CSTF2: variants seen among roughly 807,000 people sequenced by gnomAD.
CSTF2 encodes the protein CF-1 64 kDa subunit.
CSTF2 carries 8 observed loss-of-function variants against 45.4 expected under a neutral mutation model. The observed-to-expected ratio is 0.18, with a 90% CI of 0.10 to 0.32. The LOEUF is 0.32. Among genes scored for constraint, CSTF2 ranks in the 10% least tolerant of loss-of-function variants. The pLI is 1.00. For missense variants in CSTF2, 253 were observed against 477.1 expected (o/e 0.53, Z 4.38); for synonymous variants, 155 against 158.9 (o/e 0.98, Z 0.18).
In CSTF2 at chrX:100,821,508, T is replaced by A; in HGVS notation, c.59-19T>A. The A allele has an allele frequency of 9.0e-7, 1 of 1,106,255 alleles. No individual in the cohort carries two copies. Among genetic ancestry groups the A allele is most frequent in the East Asian group, 3.0e-5 (1 of 33,360 alleles). The allele number at this position is 1,106,255 out of a possible 1,213,427, so 91.2% of individuals were successfully genotyped here. ...TGTTATAAACTCAGAATTTTAATGT[T>A]ACCTATTTTCTTCCTTAGTGGGGAA... On this transcript the variant is annotated intron_variant, in intron 1 of 13. Coordinates refer to ENST00000372972, the MANE Select transcript of CSTF2 (RefSeq NM_001325.3).
Position 100,832,999 on chromosome X carries a change from C to T in CSTF2, c.1207+90C>T, listed in dbSNP as rs781167135. On this transcript the variant is annotated intron_variant, in intron 10 of 13. Coordinates refer to ENST00000372972, the MANE Select transcript of CSTF2 (RefSeq NM_001325.3). ...AAAGAATGCTGGAACAGTAGGTTTG[C>T]AAGCATCTTTAAGGTTTATCCACAA... 25 of 1,040,207 alleles carry T rather than the reference C, an allele frequency of 2.4e-5. No homozygotes were observed. In the African/African-American group the frequency reaches 3.8e-4, roughly 16 times the overall value. The allele number at this position is 1,040,207 out of a possible 1,213,427, so 85.7% of individuals were successfully genotyped here. A position where few individuals can be genotyped will look rare whatever the true frequency, so the allele number is the denominator to read the frequency against.
chrX:100,832,086 G>A (rs767604006), intron 9 of CSTF2, among the ~76,000 whole-genome samples: 4 of 110,562 alleles, frequency 3.6e-5, no homozygotes, highest in Non-Finnish European at 7.6e-5. Flanking sequence ...GCGTGGTGGC[G>A]GGCGCCTATA....
Position 100,832,787 on chromosome X carries a change from A to G in CSTF2, c.1085A>G (p.His362Arg), listed in dbSNP as rs1157972159. The change falls in exon 10 of 14, where the codon CAT becomes CGT. Residue 362 changes from histidine (H) to arginine (R), a missense_variant. Physicochemically the swap from His to Arg is conservative, Grantham distance 29. This residue lies in a region of CSTF2 where 200 missense variants were observed against 294.0 expected (regional missense o/e 0.68). Transcript: ENST00000372972. ...CCACCCATGCACCATGTCCCTGGCC[A>G]TGAGAGCCGAGGACCACCCCCACAT... ...QGPPMHHVPGHESRGPPPHEL... is the reference protein window; with the variant it reads ...QGPPMHHVPGRESRGPPPHEL... 2.5e-6 allele frequency: 3 copies of G among 1,211,309 alleles called. No individual in the cohort carries two copies. The highest frequency in any genetic ancestry group is 4.3e-5 in the Admixed American group (2 of 46,024).
intron 4 of CSTF2, 62 bp from the exon 5 acceptor site, chrX:100,823,824 C>T (rs1331168863): frequency 3.6e-6 from 4 of 1,125,470 alleles, no homozygotes; most frequent in Non-Finnish European, 4.8e-6. Context: ...AGGGGAATGG[C>T]TCTAAATCAC....
chrX:100,837,236 C>G, intron 11 of CSTF2, 103 bp from the exon 12 acceptor site: 1 of 443,154 alleles, frequency 2.3e-6, no homozygotes, highest in East Asian at 4.3e-5. Context: ...GCTTTTTTTA[C>G]TCATATCTGT....
At chrX:100,835,273 C>CT (rs1261278185) in intron 11 of CSTF2, among the ~76,000 whole-genome samples, 1 of 47,897 alleles carries the variant, frequency 2.1e-5, no homozygotes, top group African/African-American at 2.4e-4. Flanking sequence ...AGACTCCCAT[C>CT]TTTAAAAAAA....
chrX:100,832,033 A>C (rs970683009), intron 9 of CSTF2, among the ~76,000 whole-genome samples: 46 of 111,060 alleles, frequency 4.1e-4, no homozygotes, highest in Non-Finnish European at 2.6e-4. Context: ...CCTGGCCTAC[A>C]TGGTGAAATC....
chrX:100,834,666 A>T (rs1425885489), intron 11 of CSTF2, among the ~76,000 whole-genome samples: 2 of 112,361 alleles, frequency 1.8e-5, no homozygotes, highest in African/African-American at 6.5e-5. Flanking sequence ...GTTTTTATGC[A>T]TTCATTCTGT....
In CSTF2 at chrX:100,831,510, G is replaced by C; in HGVS notation, c.890-5G>C. On this transcript the variant is annotated splice_polypyrimidine_tract_variant and splice_region_variant and intron_variant, in intron 8 of 13. Transcript: ENST00000372972. ...GCAGTAACTCCCCGTTTGTTTCCCT[G>C]TCAGTGCCGATGCAAGACCCCAGAG... 8.3e-7 allele frequency: 1 copy of C among 1,211,436 alleles called. No homozygotes were observed. Among genetic ancestry groups the C allele is most frequent in the South Asian group, 1.8e-5 (1 of 56,939 alleles).
At chrX:100,835,258 A>G (rs2085000869) in intron 11 of CSTF2, among the ~76,000 whole-genome samples, 1 of 88,443 alleles carries the variant, frequency 1.1e-5, no homozygotes, top group Non-Finnish European at 2.1e-5. Context: ...CCTGGGCAGC[A>G]TATTAGACTC....
intron 13 of CSTF2, among the ~76,000 whole-genome samples, chrX:100,839,179 G>A (rs1397077856): frequency 2.8e-5 from 3 of 106,906 alleles, no homozygotes; most frequent in African/African-American, 1.0e-4. Flanking sequence ...AGTCCAGGAG[G>A]TCAGGGCTGC....
chrX:100,821,737 G>C (rs1036050629), intron 2 of CSTF2, 132 bp downstream of exon 2: 2 of 466,903 alleles, frequency 4.3e-6, no homozygotes, highest in Non-Finnish European at 7.6e-6. Flanking sequence ...GCTTTATTGA[G>C]ATATAATTGA....
At position 100,840,995 on chromosome X, in the gene CSTF2, G is replaced by T. The variant is rs1487884672; in HGVS notation, c.*285G>T. ...TAACACTAAGGGTGAAACCTTAGATGTGTTTTCTACCCTTACTGCAGTATT... is the reference window on the plus strand; with the variant it reads ...TAACACTAAGGGTGAAACCTTAGATTTGTTTTCTACCCTTACTGCAGTATT... On this transcript the variant is annotated 3_prime_UTR_variant, in exon 14 of 14. Transcript: ENST00000372972. The T allele has an allele frequency of 4.4e-5, 5 of 112,572 alleles. No homozygotes were observed. In the East Asian group the frequency reaches 1.4e-3, roughly 31 times the overall value. The allele number at this position is 112,572 out of a possible 1,213,427, so 9.3% of individuals were successfully genotyped here. A position where few individuals can be genotyped will look rare whatever the true frequency, so the allele number is the denominator to read the frequency against.
chrX:100,821,330 A>T (rs1201528141), intron 1 of CSTF2, among the ~76,000 whole-genome samples, 197 bp from the exon 2 acceptor site: 2 of 112,504 alleles, frequency 1.8e-5, no homozygotes, highest in Non-Finnish European at 3.8e-5. Context: ...CTGAGAACTA[A>T]CATTTGAGAG....
chrX:100,837,217 C>T (rs2085014083), intron 11 of CSTF2, 122 bp from the exon 12 acceptor site: 2 of 410,537 alleles, frequency 4.9e-6, no homozygotes, highest in Non-Finnish European at 8.3e-6. Context: ...TCTTCAGAGT[C>T]ATTGATTTGC....
At chrX:100,828,494 A>G (rs1365985960) in intron 8 of CSTF2, among the ~76,000 whole-genome samples, 7 of 111,939 alleles carry the variant, frequency 6.3e-5, no homozygotes, top group African/African-American at 9.7e-5. Flanking sequence ...CCCTGTATGG[A>G]TATCTGTTGA....
In CSTF2 at chrX:100,833,244, G is replaced by T; in HGVS notation, c.1272G>T (p.Gly424=). 2.5e-6 allele frequency: 3 copies of T among 1,210,099 alleles called. No homozygotes were observed. The highest frequency in any genetic ancestry group is 3.4e-6 in the Non-Finnish European group (3 of 894,687). Reference sequence around the variant, plus strand: ...AGGCCCGAGCCATGGAGGCAAGAGGGTTAGATGCCAGAGGATTAGAGGCCC... The same window carrying T: ...AGGCCCGAGCCATGGAGGCAAGAGGTTTAGATGCCAGAGGATTAGAGGCCC... The part of the protein sequence containing the change: ...GMEARAMEAR[G]LDARGLEARA... The change falls in exon 11 of 14, where the codon GGG becomes GGT. Residue 424 remains glycine, a synonymous_variant. Coordinates refer to ENST00000372972, the MANE Select transcript of CSTF2 (RefSeq NM_001325.3).
At position 100,832,740 on chromosome X, in the gene CSTF2, C is replaced by T; in HGVS notation, c.1038C>T (p.Tyr346=). 1 of 1,201,344 alleles carries T rather than the reference C, an allele frequency of 8.3e-7. No homozygotes were observed. Among genetic ancestry groups the T allele is most frequent in the South Asian group, 1.8e-5 (1 of 54,636 alleles). Residue 346 remains tyrosine (Y), a synonymous_variant, in exon 10 of 14, where the codon TAC becomes TAT. Coordinates refer to ENST00000372972, the MANE Select transcript of CSTF2 (RefSeq NM_001325.3). Reference sequence around the variant, plus strand: ...CGTTTTTCTCCATCTCCAGAGGTTACTTGGGACCACCTCATCAGGGTCCAC... The same window carrying T: ...CGTTTTTCTCCATCTCCAGAGGTTATTTGGGACCACCTCATCAGGGTCCAC... The part of the protein sequence containing the change: ...SVTGEVEPRG[Y]LGPPHQGPPM...
chrX:100,825,556 G>A (rs2084939528), intron 6 of CSTF2, among the ~76,000 whole-genome samples: 1 of 111,347 alleles, frequency 9.0e-6, no homozygotes, highest in Non-Finnish European at 1.9e-5. Context: ...AGAGGTACAG[G>A]GCAGGGACCA....
Sources: allele counts gnomAD v4.1 joint callset (sites outside exome capture counted in the v4.1 genomes callset), GRCh38; gene constraint gnomAD v4.1.1; regional missense constraint gnomAD v4.1.1; transcripts MANE v1.5; gene names NCBI Gene and HGNC (gene_info 2026-07-23, HGNC 2026-07-21).